Variants in SNAPC3 observed in about 807,000 individuals in gnomAD.
SNAPC3 encodes snRNA-activating protein complex subunit 3.
A neutral mutation model predicts 47.7 loss-of-function variants in SNAPC3; 56 were observed. That is an observed-to-expected ratio of 1.18 (90% CI 0.95 to 1.47). The LOEUF (loss-of-function observed/expected upper bound fraction) is 1.47. Ranked by LOEUF, SNAPC3 falls within the 40% of genes most tolerant of loss-of-function variation. The pLI is 0.00. For synonymous variants in SNAPC3, 235 were observed against 189.9 expected (o/e 1.24, Z -1.95); for missense variants, 665 against 511.3 (o/e 1.30, Z -2.90).
At chr9:15,455,189 A>G (rs2034684150) in intron 7 of SNAPC3, among the ~76,000 whole-genome samples, 1 of 152,212 alleles carries the variant, frequency 6.6e-6, no homozygotes. Flanking sequence ...TGGGGAGGCA[A>G]GAGCCAGAAG....
chr9:15,449,029 C>T (rs1375713147), intron 5 of SNAPC3, among the ~76,000 whole-genome samples: 3 of 151,898 alleles, frequency 2.0e-5, no homozygotes, highest in African/African-American at 7.3e-5. Context: ...AAGCTGGTGT[C>T]GAACTCCTGA....
intron 2 of SNAPC3, among the ~76,000 whole-genome samples, chr9:15,428,870 A>G (rs1385266156): frequency 6.6e-6 from 1 of 152,220 alleles, no homozygotes; most frequent in African/African-American, 2.4e-5. Flanking sequence ...GTAGATAGGC[A>G]AAGACATAAT....
At chr9:15,453,815 A>G (rs181326812) in intron 7 of SNAPC3, among the ~76,000 whole-genome samples, 2 of 152,340 alleles carry the variant, frequency 1.3e-5, no homozygotes, top group East Asian at 3.8e-4. Flanking sequence ...ACCCTGCTCC[A>G]TTGCTGGTTT....
intron 4 of SNAPC3, 115 bp downstream of exon 4, chr9:15,444,821 G>A: frequency 1.7e-6 from 1 of 578,604 alleles, no homozygotes; most frequent in Non-Finnish European, 3.0e-6. Flanking sequence ...TCTGGGAGTG[G>A]TGGCTCATGC....
chr9:15,424,381 A>G (rs1356863464), intron 2 of SNAPC3, among the ~76,000 whole-genome samples: 1 of 152,208 alleles, frequency 6.6e-6, no homozygotes, highest in Non-Finnish European at 1.5e-5. Flanking sequence ...GAGGTAATCT[A>G]CTTAGATCTG....
At chr9:15,463,433 TACAC>T (rs1171287598), downstream of SNAPC3, 3 of 131,038 alleles carry the variant, frequency 2.3e-5, no homozygotes, top group African/African-American at 8.5e-5. Flanking sequence ...CATACGTACA[TACAC>T]ACACATACCA....
At chr9:15,438,444 G>A (rs1457606901) in intron 3 of SNAPC3, among the ~76,000 whole-genome samples, 1 of 151,854 alleles carries the variant, frequency 6.6e-6, no homozygotes, top group Non-Finnish European at 1.5e-5. Context: ...TGATTTTTCT[G>A]TATTTTCTAT....
At chr9:15,435,844 C>CTTTTTTTTTTTTTTTTT (rs57744583) in intron 3 of SNAPC3, among the ~76,000 whole-genome samples, 2 of 123,842 alleles carry the variant, frequency 1.6e-5, no homozygotes, top group Non-Finnish European at 3.2e-5. Flanking sequence ...ACTTTTCTTT[C>CTTTTTTTTTTTTTTTTT]TTTTTTTTTT....
intron 3 of SNAPC3, 50 bp downstream of exon 3, chr9:15,433,686 C>G (rs775994478): frequency 8.6e-7 from 1 of 1,161,166 alleles, no homozygotes. Context: ...AACAGTAAAC[C>G]GACATTGGCT....
In SNAPC3 at chr9:15,447,187, C is replaced by T. The variant is rs2034000079; in HGVS notation, c.675C>T (p.Leu225=). 6.2e-7 allele frequency: 1 copy of T among 1,613,928 alleles called. No individual in the cohort carries two copies. The highest frequency in any genetic ancestry group is 1.7e-5 in the Admixed American group (1 of 60,014). Residue 225 remains leucine, a synonymous_variant, in exon 5 of 9, where the codon CTC becomes CTT. Coordinates refer to ENST00000380821, the MANE Select transcript of SNAPC3 (RefSeq NM_001039697.2). Reference sequence around the variant, plus strand: ...ATTCAATTCGATGTGTCAGTGACCTCCAGATTGGTGGTGAATTCAGCAACA... The same window carrying T: ...ATTCAATTCGATGTGTCAGTGACCTTCAGATTGGTGGTGAATTCAGCAACA... The part of the protein sequence containing the change: ...LRDSIRCVSD[L]QIGGEFSNTP...
At chr9:15,440,306 C>G (rs1266604972) in intron 3 of SNAPC3, among the ~76,000 whole-genome samples, 1 of 152,134 alleles carries the variant, frequency 6.6e-6, no homozygotes, top group Admixed American at 6.5e-5. Context: ...AATTTACTGT[C>G]TAGTGTCTTT....
At chr9:15,425,665 T>G (rs1028369914) in intron 2 of SNAPC3, among the ~76,000 whole-genome samples, 2 of 152,220 alleles carry the variant, frequency 1.3e-5, no homozygotes, top group African/African-American at 4.8e-5. Context: ...CTCCCATCTG[T>G]GTATTGTTCT....
chr9:15,454,980 A>G (rs1207441504), intron 7 of SNAPC3, among the ~76,000 whole-genome samples: 1 of 152,068 alleles, frequency 6.6e-6, no homozygotes, highest in Non-Finnish European at 1.5e-5. Flanking sequence ...ATGGGAGAGA[A>G]TTAATAGATT....
intron 5 of SNAPC3, among the ~76,000 whole-genome samples, chr9:15,450,854 G>A (rs1438387846): frequency 6.6e-6 from 1 of 152,214 alleles, no homozygotes; most frequent in Non-Finnish European, 1.5e-5. Flanking sequence ...TACAACTACA[G>A]TACCTGGGGC....
chr9:15,442,400 C>T (rs1168854914), intron 3 of SNAPC3, among the ~76,000 whole-genome samples: 2 of 150,978 alleles, frequency 1.3e-5, no homozygotes, highest in African/African-American at 4.9e-5. Context: ...CGGAGGGGCT[C>T]CTCACCTCCC....
At chr9:15,451,210 TAACACA>T in intron 5 of SNAPC3, 104 bp from the exon 6 acceptor site, 1 of 256,914 alleles carries the variant, frequency 3.9e-6, no homozygotes, top group Middle Eastern at 8.0e-4. Context: ...AGCAGTTTTT[TAACACA>T]TATTAGTGTG....
At chr9:15,457,208 G>C (rs1295951179) in intron 7 of SNAPC3, among the ~76,000 whole-genome samples, 1 of 151,944 alleles carries the variant, frequency 6.6e-6, no homozygotes, top group Non-Finnish European at 1.5e-5. Context: ...TAATAAAGGA[G>C]ACATTAAAAA....
chr9:15,429,559 A>G (rs999288383), intron 2 of SNAPC3, among the ~76,000 whole-genome samples: 1 of 152,208 alleles, frequency 6.6e-6, no homozygotes, highest in African/African-American at 2.4e-5. Flanking sequence ...CTGACACACC[A>G]GATAGTAAAG....
chr9:15,455,664 C>T (rs543520666), intron 7 of SNAPC3, among the ~76,000 whole-genome samples: 58 of 148,768 alleles, frequency 3.9e-4, no homozygotes, highest in African/African-American at 1.3e-3. Context: ...GAAGGCAATC[C>T]CCTATTCTCT....
Sources: gnomAD v4.1 joint callset for allele counts (sites outside exome capture counted in the v4.1 genomes callset) on GRCh38, gnomAD v4.1.1 for gene constraint, MANE v1.5 for transcripts, NCBI Gene and HGNC (gene_info 2026-07-23, HGNC 2026-07-21) for gene names.